Variants in LARGE1 observed in about 807,000 individuals in gnomAD.
LARGE1 encodes the protein xylosyl- and glucuronyltransferase LARGE1.
In LARGE1, 43 loss-of-function variants were observed where a neutral mutation model predicts 87.6. The observed-to-expected ratio is 0.49, with a 90% CI of 0.38 to 0.63. LARGE1 has a LOEUF of 0.63. Among genes scored for constraint, LARGE1 ranks in the 30% least tolerant of loss-of-function variants. The probability of loss-of-function intolerance (pLI) is 0.00; values close to 1 mark genes in which losing one functional copy is unlikely to be tolerated. For synonymous variants in LARGE1, 434 were observed against 394.6 expected (o/e 1.10, Z -1.18); for missense variants, 802 against 1,000.2 (o/e 0.80, Z 2.67).
chr22:33,725,778 T>C (rs2083252521), intron 2 of LARGE1: 1 of 152,192 alleles, frequency 6.6e-6, no homozygotes, highest in Non-Finnish European at 1.5e-5. Context: ...ATGAACACTT[T>C]TCAGATAAAT....
chr22:33,884,765 T>C (rs533878515), intron 1 of LARGE1, among the ~76,000 whole-genome samples: 1 of 152,286 alleles, frequency 6.6e-6, no homozygotes, highest in Admixed American at 6.5e-5. Flanking sequence ...TCAACCTTTG[T>C]CTACAAAGGA....
chr22:33,730,750 G>A (rs935739189), intron 2 of LARGE1, among the ~76,000 whole-genome samples: 5 of 152,026 alleles, frequency 3.3e-5, no homozygotes, highest in African/African-American at 2.4e-5. Context: ...GAGTGCAATG[G>A]TGCTATCTCG....
chr22:33,838,559 A>T (rs2063177038), intron 1 of LARGE1, among the ~76,000 whole-genome samples: 1 of 152,192 alleles, frequency 6.6e-6, no homozygotes, highest in South Asian at 2.1e-4. Context: ...GGATCACTTG[A>T]GCCCAAGAGT....
chr22:33,692,927 T>C (rs1007308422), intron 2 of LARGE1, among the ~76,000 whole-genome samples: 1 of 152,154 alleles, frequency 6.6e-6, no homozygotes, highest in African/African-American at 2.4e-5. Flanking sequence ...CATCATTCTA[T>C]TATAAAGACA....
intron 6 of LARGE1, among the ~76,000 whole-genome samples, chr22:33,546,919 A>G (rs2077375718): frequency 6.6e-6 from 1 of 152,226 alleles, no homozygotes; most frequent in Non-Finnish European, 1.5e-5. Context: ...GTACTGATTT[A>G]GAGATTGATG....
chr22:33,490,784 C>T (rs556660006), intron 6 of LARGE1, among the ~76,000 whole-genome samples: 2 of 152,312 alleles, frequency 1.3e-5, no homozygotes, highest in Admixed American at 1.3e-4. Flanking sequence ...GATGCTTTGT[C>T]TGCAAAACCC....
chr22:33,810,727 CTTT>C (rs200170340), intron 1 of LARGE1, among the ~76,000 whole-genome samples: 1 of 143,170 alleles, frequency 7.0e-6, no homozygotes. Flanking sequence ...GGATGAATTT[CTTT>C]TTTTTTTTTT....
chr22:33,607,461 C>CAAAAAAAAAAA (rs1217376084), intron 4 of LARGE1, among the ~76,000 whole-genome samples: 3 of 58,000 alleles, frequency 5.2e-5, no homozygotes, highest in East Asian at 5.0e-4. Context: ...AACTGCATCT[C>CAAAAAAAAAAA]AAAAAAAAAA....
intron 1 of LARGE1, among the ~76,000 whole-genome samples, chr22:33,862,950 T>C (rs1601803791): frequency 6.6e-6 from 1 of 152,088 alleles, no homozygotes; most frequent in East Asian, 1.9e-4. Flanking sequence ...TCTAGTCTAT[T>C]ATTATTATTG....
chr22:33,896,988 T>C (rs918682218), intron 1 of LARGE1, among the ~76,000 whole-genome samples: 9 of 152,132 alleles, frequency 5.9e-5, no homozygotes, highest in Non-Finnish European at 8.8e-5. Context: ...TGGAAAACAG[T>C]TGAAGCTGCT....
the LARGE1 span, among the ~76,000 whole-genome samples, chr22:33,089,368 T>TCTTCTTCTTCTTCTTCTTCTTCTTCTC: frequency 2.6e-5 from 2 of 78,212 alleles, no homozygotes; most frequent in Non-Finnish European, 5.3e-5. Flanking sequence ...TTCTTCTTCT[T>TCTTCTTCTTCTTCTTCTTCTTCTTCTC]CTCCTTCTTC....
intron 7 of LARGE1, among the ~76,000 whole-genome samples, chr22:33,422,510 CT>C (rs1309810438): frequency 0.046 from 6,263 of 136,528 alleles, 402 homozygotes; most frequent in African/African-American, 0.15. Flanking sequence ...GTGCTACACA[CT>C]TTTTTTTTTT....
chr22:33,402,323 G>C (rs188988077), intron 7 of LARGE1, among the ~76,000 whole-genome samples: 1 of 152,178 alleles, frequency 6.6e-6, no homozygotes, highest in Non-Finnish European at 1.5e-5. Context: ...CCAAGACTTC[G>C]GAGTGAGGTC....
rs764803042 is a variant in LARGE1 at position 33,304,305 on chromosome 22, T to C, written c.1654A>G (p.Lys552Glu). 9 of 1,614,128 alleles carry C rather than the reference T, an allele frequency of 5.6e-6. No individual in the cohort carries two copies. The East Asian group carries it at 2.0e-4, about 36-fold the overall frequency. Residue 552 changes from lysine (K) to glutamate (E), a missense_variant, in exon 12 of 15, where the codon AAG (lysine) becomes GAG (glutamate). Lys to Glu is a moderately conservative substitution (Grantham distance 56). Around this residue, in one of 2 missense-constraint regions of LARGE1, gnomAD observed 625 missense variants for 841.9 expected, o/e 0.74. Coordinates refer to ENST00000397394, the MANE Select transcript of LARGE1 (RefSeq NM_133642.5). ...PVNLLRNVAM[K>E]HISTPYMFLS... ...AACATGTAGGGAGTGCTGATGTGCT[T>C]CATGGCCACGTTGCGCAGCAGGTTC... is the stretch of plus-strand genomic sequence containing the variant.
chr22:33,439,078 G>A (rs1202472866), intron 6 of LARGE1, among the ~76,000 whole-genome samples: 1 of 152,124 alleles, frequency 6.6e-6, no homozygotes, highest in Non-Finnish European at 1.5e-5. Flanking sequence ...GCTGGGTGTG[G>A]TGGCATGCAC....
Position 33,881,032 on chromosome 22 carries a change from T to C in LARGE1, c.-83+38963A>G, listed in dbSNP as rs142972136. The stretch of plus-strand genomic sequence containing the variant: ...ACTGTCCTCCTCCAAACTGTCCTTG[T>C]CTACTTAATAAGTAGCTTTTTTAAT... On this transcript the variant is annotated intron_variant, in intron 1 of 14. Coordinates refer to ENST00000397394, the MANE Select transcript of LARGE1 (RefSeq NM_133642.5). Among the ~76,000 whole-genome samples, 278 of 152,138 alleles carry C rather than the reference T, an allele frequency of 1.8e-3. 9 individuals carry two copies. In the East Asian group the frequency reaches 0.043, roughly 24 times the overall value.
At chr22:33,705,814 GATA>G (rs1298232117) in intron 2 of LARGE1, among the ~76,000 whole-genome samples, 1 of 152,158 alleles carries the variant, frequency 6.6e-6, no homozygotes, top group East Asian at 1.9e-4. Flanking sequence ...CAATAAACAT[GATA>G]ATGTTTTCGA....
chr22:33,548,991 AC>A (rs2077445197), intron 6 of LARGE1, among the ~76,000 whole-genome samples: 1 of 152,210 alleles, frequency 6.6e-6, no homozygotes, highest in Admixed American at 6.5e-5. Context: ...TAAAAGCCAG[AC>A]CTTCCTTTTC....
At chr22:33,308,958 T>G (rs1935245763) in intron 11 of LARGE1, among the ~76,000 whole-genome samples, 1 of 152,218 alleles carries the variant, frequency 6.6e-6, no homozygotes, top group Non-Finnish European at 1.5e-5. Flanking sequence ...AATTTCCTCC[T>G]TAGGTTCTAT....
Sources: allele counts gnomAD v4.1 joint callset (sites outside exome capture counted in the v4.1 genomes callset), GRCh38; gene constraint gnomAD v4.1.1; regional missense constraint gnomAD v4.1.1; transcripts MANE v1.5; gene names NCBI Gene and HGNC (gene_info 2026-07-23, HGNC 2026-07-21).